RGS7: variants seen among roughly 807,000 people sequenced by gnomAD.
RGS7 encodes the protein regulator of G-protein signaling 7.
In RGS7, 27 loss-of-function variants were observed where a neutral mutation model predicts 81.1. The observed-to-expected ratio is 0.33, with a 90% CI of 0.25 to 0.46. The LOEUF (loss-of-function observed/expected upper bound fraction) is 0.46. Among genes scored for constraint, RGS7 ranks in the 20% least tolerant of loss-of-function variants. The pLI is 1.00. For missense variants in RGS7, 396 were observed against 607.4 expected (o/e 0.65, Z 3.66); for synonymous variants, 208 against 207.7 (o/e 1.00, Z -0.01).
intron 3 of RGS7, among the ~76,000 whole-genome samples, chr1:241,056,723 CAG>C (rs2061495133): frequency 6.6e-6 from 1 of 152,186 alleles, no homozygotes; most frequent in South Asian, 2.1e-4. Context: ...CCATTCATTT[CAG>C]CACATTAAAC....
intron 2 of RGS7, among the ~76,000 whole-genome samples, chr1:241,149,847 C>T (rs538667496): frequency 6.6e-6 from 1 of 152,254 alleles, no homozygotes; most frequent in African/African-American, 2.4e-5. Flanking sequence ...GGGATCTCAG[C>T]TCACTGCAAC....
chr1:241,071,824 T>C (rs2062464850), intron 3 of RGS7, among the ~76,000 whole-genome samples: 1 of 127,068 alleles, frequency 7.9e-6, no homozygotes, highest in South Asian at 2.4e-4. Flanking sequence ...TAGTGAGCTA[T>C]GATCACACTA....
chr1:240,895,148 C>T (rs1359140941), intron 6 of RGS7, among the ~76,000 whole-genome samples: 1 of 152,150 alleles, frequency 6.6e-6, no homozygotes, highest in African/African-American at 2.4e-5. Flanking sequence ...CTCTTTTCAC[C>T]TTCCACCATG....
chr1:241,182,379 A>G (rs766823116), intron 2 of RGS7, among the ~76,000 whole-genome samples: 11 of 152,184 alleles, frequency 7.2e-5, no homozygotes, highest in Admixed American at 2.6e-4. Context: ...GACAGTATGC[A>G]CCTCACCAGG....
rs370701829 is a variant in RGS7, at chr1:240,781,563, C to T, written c.*7-5350G>A. ...CGGAGGTTGCAGTGAGGTGAGATTGCGCCACTGCACTCATCCTGGGTGACA... is the reference window on the plus strand; with the variant it reads ...CGGAGGTTGCAGTGAGGTGAGATTGTGCCACTGCACTCATCCTGGGTGACA... On this transcript the variant is annotated intron_variant, in intron 18 of 18. Coordinates refer to ENST00000440928, the MANE Select transcript of RGS7 (RefSeq NM_001364886.1). 1.4e-4 allele frequency among the ~76,000 whole-genome samples: 22 copies of T among 152,184 alleles called. 2 individuals are homozygous for T. Among genetic ancestry groups the T allele is most frequent in the Admixed American group, 5.2e-4 (8 of 15,294 alleles).
At chr1:241,145,209 G>A (rs911036559) in intron 2 of RGS7, among the ~76,000 whole-genome samples, 8 of 151,988 alleles carry the variant, frequency 5.3e-5, no homozygotes, top group African/African-American at 1.4e-4. Context: ...GTAGAGACGG[G>A]GTTTCACCAT....
At chr1:240,804,758 T>A (rs1470420031) in intron 15 of RGS7, among the ~76,000 whole-genome samples, 2 of 152,190 alleles carry the variant, frequency 1.3e-5, no homozygotes, top group Non-Finnish European at 2.9e-5. Context: ...CTGCTCTCTG[T>A]CCTGTGTCTC....
At chr1:240,917,203 C>G (rs1672750568) in intron 6 of RGS7, among the ~76,000 whole-genome samples, 1 of 152,004 alleles carries the variant, frequency 6.6e-6, no homozygotes, top group Non-Finnish European at 1.5e-5. Flanking sequence ...CTTAGAAAAA[C>G]AAAAACTGAG....
At chr1:240,887,394 C>A (rs1667550296) in intron 6 of RGS7, among the ~76,000 whole-genome samples, 1 of 151,916 alleles carries the variant, frequency 6.6e-6, no homozygotes, top group East Asian at 1.9e-4. Context: ...ACGCCCGGCT[C>A]ATTTTTTGTA....
At chr1:241,234,029 T>C (rs1420098711) in intron 2 of RGS7, among the ~76,000 whole-genome samples, 1 of 152,212 alleles carries the variant, frequency 6.6e-6, no homozygotes, top group African/African-American at 2.4e-5. Flanking sequence ...TGCAACCTTA[T>C]GATGTTTTTA....
intron 3 of RGS7, among the ~76,000 whole-genome samples, chr1:241,022,174 G>A (rs2059573192): frequency 6.6e-6 from 1 of 152,112 alleles, no homozygotes; most frequent in Non-Finnish European, 1.5e-5. Context: ...CTCACATCAT[G>A]TATTAAAACC....
chr1:241,354,893 G>A (rs2083461348), intron 2 of RGS7, among the ~76,000 whole-genome samples: 1 of 152,152 alleles, frequency 6.6e-6, no homozygotes, highest in Non-Finnish European at 1.5e-5. Context: ...GAAGAACACT[G>A]CATCCTTAAT....
At position 241,271,648 on chromosome 1, in the gene RGS7, T is replaced by C. The variant is rs1469474079; in HGVS notation, c.78+84051A>G. 6.6e-6 allele frequency among the ~76,000 whole-genome samples: 1 copy of C among 152,206 alleles called. No individual in the cohort carries two copies. The highest frequency in any genetic ancestry group is 1.5e-5 in the Non-Finnish European group (1 of 68,026). Reference sequence around the variant, plus strand: ...CCCATCCCACTGTGGGTGTGGCTTATCCAACCTGTTGAGGGCCTGAACAGA... The same window carrying C: ...CCCATCCCACTGTGGGTGTGGCTTACCCAACCTGTTGAGGGCCTGAACAGA... On this transcript the variant is annotated intron_variant, in intron 2 of 18. Coordinates refer to ENST00000440928, the MANE Select transcript of RGS7 (RefSeq NM_001364886.1). This position sits in a 1 kb window ranked among gnomAD's most constrained non-coding sequence, Gnocchi z 4.6.
rs1364397442 is a variant in RGS7, at chr1:241,328,055, A to G, written c.78+27644T>C. ...CATATTAAATTACATTTGATTTTAG[A>G]TTTAATGGCTTTTTGGAAAATTTTT... On this transcript the variant is annotated intron_variant, in intron 2 of 18. Transcript: ENST00000440928. Among the ~76,000 whole-genome samples, 5 of 152,204 alleles carry G rather than the reference A, an allele frequency of 3.3e-5. 1 individual carries two copies. The East Asian group carries it at 9.6e-4, about 29-fold the overall frequency.
At chr1:241,229,989 C>A (rs2075560283) in intron 2 of RGS7, among the ~76,000 whole-genome samples, 1 of 152,144 alleles carries the variant, frequency 6.6e-6, no homozygotes, top group African/African-American at 2.4e-5. Flanking sequence ...GGCTACTGCA[C>A]CACAGTCAGC....
intron 2 of RGS7, among the ~76,000 whole-genome samples, chr1:241,126,686 C>A (rs764615056): frequency 3.0e-4 from 46 of 152,150 alleles, no homozygotes; most frequent in Non-Finnish European, 6.0e-4. Context: ...CTACCTCCAG[C>A]CCCCCATACA....
intron 2 of RGS7, among the ~76,000 whole-genome samples, chr1:241,195,430 C>T (rs1034968070): frequency 2.6e-5 from 4 of 151,920 alleles, no homozygotes; most frequent in African/African-American, 9.7e-5. Context: ...GAGCCGAGAT[C>T]GCGCCATTGC....
At chr1:241,279,324 C>G (rs1055689805) in intron 2 of RGS7, among the ~76,000 whole-genome samples, 1 of 152,118 alleles carries the variant, frequency 6.6e-6, no homozygotes, top group Non-Finnish European at 1.5e-5. Flanking sequence ...CTTGATTTTC[C>G]TACTGTTTCT....
At chr1:240,850,947 G>A (rs548376185) in intron 9 of RGS7, among the ~76,000 whole-genome samples, 10 of 152,166 alleles carry the variant, frequency 6.6e-5, no homozygotes, top group Non-Finnish European at 1.2e-4. Context: ...ACTAGCAGAG[G>A]TTGGTTCATG....
Sources: gnomAD v4.1 joint callset for allele counts (sites outside exome capture counted in the v4.1 genomes callset) on GRCh38, gnomAD v4.1.1 for gene constraint, Gnocchi (gnomAD v3.1) non-coding constraint, MANE v1.5 for transcripts, NCBI Gene and HGNC (gene_info 2026-07-23, HGNC 2026-07-21) for gene names.